SAMSN1: variants seen among roughly 807,000 people sequenced by gnomAD.
SAMSN1 encodes the protein SAM domain-containing protein SAMSN-1.
In SAMSN1, 31 loss-of-function variants were observed where a neutral mutation model predicts 42.0. The observed-to-expected ratio is 0.74, with a 90% confidence interval of 0.55 to 1.00. The LOEUF (loss-of-function observed/expected upper bound fraction) is 1.00. Among genes scored for constraint, SAMSN1 ranks in the 50% least tolerant of loss-of-function variants. SAMSN1 has a pLI of 0.00. For synonymous variants in SAMSN1, 178 were observed against 151.9 expected, an observed-to-expected ratio of 1.17 and a Z score of -1.26; for missense variants, 464 against 439.4, an observed-to-expected ratio of 1.06 and a Z score of -0.50.
In SAMSN1 at chr21:14,591,024, A is replaced by G. The variant is rs192777067; in HGVS notation, c.465+2989T>C. Among the ~76,000 whole-genome samples, 1,128 of 152,338 alleles carry G rather than the reference A, an allele frequency of 7.4e-3. 8 individuals are homozygous for G. Among genetic ancestry groups the G allele is most frequent in the South Asian group, 0.023 (109 of 4,830 alleles). ...TTTATTTTATTGCTTTCTTGGAAAT[A>G]CAATTAATTAAAAAGACAATTTAAG... On this transcript the variant is annotated intron_variant, in intron 7 of 15. Transcript: ENST00000647101.
intron 2 of SAMSN1, among the ~76,000 whole-genome samples, chr21:14,630,123 T>C (rs140849961): frequency 6.6e-6 from 1 of 152,140 alleles, no homozygotes; most frequent in Admixed American, 6.5e-5. Context: ...ATCTTTGCAA[T>C]GGAAAAGCAC....
chr21:14,517,255 A>T (rs1600884848), intron 2 of SAMSN1, among the ~76,000 whole-genome samples: 3 of 152,196 alleles, frequency 2.0e-5, no homozygotes, highest in Admixed American at 2.0e-4. Context: ...AAAATTCGTG[A>T]TGTTAAAGGA....
chr21:14,577,274 ATATATATATATT>A (rs1473915278), intron 2 of SAMSN1, among the ~76,000 whole-genome samples: 6 of 50,400 alleles, frequency 1.2e-4, no homozygotes, highest in African/African-American at 4.8e-4. Context: ...ATATATATAT[ATATATATATATT>A]TTTTTTTTAG....
At chr21:14,502,435 T>G (rs1007490166) in intron 5 of SAMSN1, among the ~76,000 whole-genome samples, 2 of 152,224 alleles carry the variant, frequency 1.3e-5, no homozygotes, top group East Asian at 3.8e-4. Flanking sequence ...TATATACCTG[T>G]GCATTCCAGG....
intron 1 of SAMSN1, among the ~76,000 whole-genome samples, chr21:14,522,585 G>A (rs907226417): frequency 2.0e-5 from 3 of 151,878 alleles, no homozygotes; most frequent in Non-Finnish European, 4.4e-5. Context: ...AGCAAAACCA[G>A]GTGTAACAAA....
upstream of SAMSN1, among the ~76,000 whole-genome samples, chr21:14,659,222 G>A (rs1206571902): frequency 6.6e-6 from 1 of 151,826 alleles, no homozygotes; most frequent in African/African-American, 2.4e-5. Context: ...TTAACAAAAC[G>A]TTTGATTCGC....
chr21:14,614,152 C>T (rs1223374165), intron 3 of SAMSN1, among the ~76,000 whole-genome samples: 1 of 152,036 alleles, frequency 6.6e-6, no homozygotes, highest in Non-Finnish European at 1.5e-5. Flanking sequence ...TGTCATTTGT[C>T]TTGTTTTGTT....
chr21:14,487,430 G>A (rs1986486944), intron 7 of SAMSN1, among the ~76,000 whole-genome samples: 1 of 151,836 alleles, frequency 6.6e-6, no homozygotes, highest in South Asian at 2.1e-4. Flanking sequence ...TCCACTGTGT[G>A]TCCAATTGCC....
intron 3 of SAMSN1, among the ~76,000 whole-genome samples, chr21:14,613,906 G>T (rs149392078): frequency 1.3e-5 from 2 of 152,014 alleles, no homozygotes; most frequent in African/African-American, 2.4e-5. Context: ...ACATACAGTA[G>T]AGAAAAACAT....
chr21:14,632,323 T>A (rs1983352477), intron 2 of SAMSN1, among the ~76,000 whole-genome samples: 1 of 152,150 alleles, frequency 6.6e-6, no homozygotes, highest in Non-Finnish European at 1.5e-5. Context: ...TGTAGTATAT[T>A]CCTTTCTGCT....
rs146193933 is a variant in SAMSN1, at chr21:14,485,749, T to C, written c.*163A>G. ...ATATTTTATTGACAGTAATTTGGAA[T>C]GTTAGAGATACAAAATTTTATGTAC... On this transcript the variant is annotated 3_prime_UTR_variant, in exon 8 of 8. Transcript: ENST00000400566. 7.3e-6 allele frequency: 4 copies of C among 547,770 alleles called. No homozygotes were observed. The Admixed American group carries it at 1.3e-4, about 17-fold the overall frequency. 33.9% of individuals were successfully genotyped at this position (547,770 alleles called of 1,614,324 possible). A position where few individuals can be genotyped will look rare whatever the true frequency, so the allele number is the denominator to read the frequency against.
Position 14,517,056 on chromosome 21 carries a change from T to C in SAMSN1, c.130-15A>G. On this transcript the variant is annotated splice_polypyrimidine_tract_variant and intron_variant, in intron 2 of 7. Coordinates refer to ENST00000400566, the MANE Select transcript of SAMSN1 (RefSeq NM_022136.5). The stretch of plus-strand genomic sequence containing the variant: ...CCTTCATGTGCCTAGTTTAGAATTG[T>C]TTACAAAAGACAAAATAATAAAGCA... 6.3e-7 allele frequency: 1 copy of C among 1,590,134 alleles called. No homozygotes were observed. The highest frequency in any genetic ancestry group is 8.5e-7 in the Non-Finnish European group (1 of 1,170,346).
rs1986585702 is a variant in SAMSN1 at position 14,489,468 on chromosome 21, T to C, written c.920-3354A>G. On this transcript the variant is annotated intron_variant, in intron 7 of 7. Coordinates refer to ENST00000400566, the MANE Select transcript of SAMSN1 (RefSeq NM_022136.5). Reference sequence around the variant, plus strand: ...CCTCTATTTCTCAGGTCATCCACATTGTTTTTAATGAAAGAATTAAAACGG... The same window carrying C: ...CCTCTATTTCTCAGGTCATCCACATCGTTTTTAATGAAAGAATTAAAACGG... Among the ~76,000 whole-genome samples, 3 of 152,182 alleles carry C rather than the reference T, an allele frequency of 2.0e-5. No homozygotes were observed. In the East Asian group the frequency reaches 5.8e-4, roughly 29 times the overall value.
chr21:14,653,553 A>ATTCT (rs964278575), intron 1 of SAMSN1, among the ~76,000 whole-genome samples: 6 of 152,012 alleles, frequency 3.9e-5, no homozygotes, highest in Admixed American at 6.6e-5. Context: ...GTACAAAGCA[A>ATTCT]TAGAAAGAAT....
chr21:14,542,739 G>A (rs1980124970), intron 1 of SAMSN1, among the ~76,000 whole-genome samples: 1 of 152,122 alleles, frequency 6.6e-6, no homozygotes, highest in South Asian at 2.1e-4. Flanking sequence ...GAACATAGGA[G>A]TTTGAGACCA....
chr21:14,517,337 T>C lies in SAMSN1; in HGVS notation c.130-296A>G, dbSNP rs376071844. ...TTAAATAGCTGTATTGAAGAATCAT[T>C]TTATTCCCTCTTCTTGAGATGAACA... On this transcript the variant is annotated intron_variant, in intron 2 of 7. Transcript: ENST00000400566. Among the ~76,000 whole-genome samples, 12 of 152,346 alleles carry C rather than the reference T, an allele frequency of 7.9e-5. No individual in the cohort carries two copies. The South Asian group carries it at 1.2e-3, about 16-fold the overall frequency.
intron 2 of SAMSN1, among the ~76,000 whole-genome samples, chr21:14,616,854 A>C (rs369057921): frequency 2.2e-4 from 33 of 152,350 alleles, no homozygotes; most frequent in African/African-American, 7.5e-4. Context: ...AATGGAAACC[A>C]GAAAAAGGAA....
chr21:14,520,928 T>G (rs978640347), intron 2 of SAMSN1, among the ~76,000 whole-genome samples: 5 of 152,046 alleles, frequency 3.3e-5, no homozygotes, highest in African/African-American at 1.2e-4. Flanking sequence ...CACCCTACAA[T>G]GTGTCTGTGT....
At chr21:14,632,281 G>A (rs926965745) in intron 2 of SAMSN1, among the ~76,000 whole-genome samples, 1 of 151,896 alleles carries the variant, frequency 6.6e-6, no homozygotes, top group Non-Finnish European at 1.5e-5. Context: ...TATGTGTTTT[G>A]AGTTCCCAAT....
Sources: allele counts gnomAD v4.1 joint callset (sites outside exome capture counted in the v4.1 genomes callset), GRCh38; gene constraint gnomAD v4.1.1; transcripts MANE v1.5; gene names NCBI Gene and HGNC (gene_info 2026-07-23, HGNC 2026-07-21).